DCC: variants seen among roughly 807,000 people sequenced by gnomAD.
The protein encoded by DCC is netrin receptor DCC.
DCC carries 58 observed loss-of-function variants against 172.5 expected under a neutral mutation model. The observed-to-expected ratio is 0.34, with a 90% CI of 0.27 to 0.42. DCC has a LOEUF of 0.42. DCC is among the 10% of genes least tolerant of loss of function. The pLI, the probability that DCC is intolerant of heterozygous loss-of-function variation, is 1.00. For missense variants in DCC, 1,740 were observed against 1,791.0 expected (o/e 0.97, Z 0.51); for synonymous variants, 709 against 644.5 (o/e 1.10, Z -1.52).
At chr18:52,721,132 A>C (rs1018540870) in intron 1 of DCC, among the ~76,000 whole-genome samples, 1 of 152,198 alleles carries the variant, frequency 6.6e-6, no homozygotes, top group South Asian at 2.1e-4. Context: ...AGGCCTTAGC[A>C]GAGGGCCTCA....
chr18:52,692,368 C>T (rs1250615759), intron 1 of DCC, among the ~76,000 whole-genome samples: 4 of 152,134 alleles, frequency 2.6e-5, no homozygotes, highest in African/African-American at 9.7e-5. Context: ...TAAACCTCTG[C>T]CCTATAGACA....
intron 3 of DCC, among the ~76,000 whole-genome samples, chr18:52,906,966 A>C (rs1047663171): frequency 6.6e-6 from 1 of 151,898 alleles, no homozygotes; most frequent in African/African-American, 2.4e-5. Context: ...AAGTGTGAAG[A>C]GTTCTCTTTT....
chr18:52,907,241 C>CATGG (rs1555680298), intron 3 of DCC, among the ~76,000 whole-genome samples: 11 of 102,660 alleles, frequency 1.1e-4, no homozygotes, highest in Non-Finnish European at 6.1e-5. Flanking sequence ...TGATAGATAT[C>CATGG]ATATATACAT....
intron 7 of DCC, among the ~76,000 whole-genome samples, chr18:53,111,181 T>C (rs2043325085): frequency 1.4e-5 from 2 of 142,410 alleles, no homozygotes; most frequent in Middle Eastern, 3.6e-3. Context: ...TTCTCGCTCA[T>C]AGGTAGGAAT....
At chr18:53,156,173 T>A (rs9956982) in intron 7 of DCC, among the ~76,000 whole-genome samples, 8,313 of 152,136 alleles carry the variant, frequency 0.055, 298 homozygotes, top group East Asian at 0.11. Flanking sequence ...ATTTTAACTG[T>A]GAAATGAATA....
intron 1 of DCC, among the ~76,000 whole-genome samples, chr18:52,360,997 T>A (rs1474342989): frequency 6.6e-6 from 1 of 152,182 alleles, no homozygotes; most frequent in African/African-American, 2.4e-5. Context: ...ATTCTATTAC[T>A]TACAAGCTTT....
chr18:52,347,417 T>C (rs1598851309), intron 1 of DCC, among the ~76,000 whole-genome samples: 1 of 152,314 alleles, frequency 6.6e-6, no homozygotes, highest in East Asian at 1.9e-4. Flanking sequence ...ATTATAGTAT[T>C]ATGTGATTTT....
At chr18:52,623,731 T>A (rs1237840577) in intron 1 of DCC, among the ~76,000 whole-genome samples, 1 of 152,192 alleles carries the variant, frequency 6.6e-6, no homozygotes, top group South Asian at 2.1e-4. Context: ...ATTTTCTTTT[T>A]CTATCTCTGC....
intron 12 of DCC, among the ~76,000 whole-genome samples, chr18:53,221,992 TA>T (rs747829443): frequency 6.6e-6 from 1 of 152,188 alleles, no homozygotes; most frequent in African/African-American, 2.4e-5. Flanking sequence ...AAAGAAACTG[TA>T]AAAGACATAA....
At chr18:52,466,908 A>G (rs1402583722) in intron 1 of DCC, among the ~76,000 whole-genome samples, 1 of 152,124 alleles carries the variant, frequency 6.6e-6, no homozygotes, top group Non-Finnish European at 1.5e-5. Context: ...AAGATGAGCA[A>G]ATCATAACCA....
intron 7 of DCC, among the ~76,000 whole-genome samples, chr18:53,110,392 A>C (rs1404919893): frequency 6.6e-6 from 1 of 151,718 alleles, no homozygotes; most frequent in African/African-American, 2.4e-5. Context: ...AAGCAAAATA[A>C]GATAATTTAG....
At chr18:52,750,060 G>T (rs2036971098) in intron 1 of DCC, among the ~76,000 whole-genome samples, 1 of 152,122 alleles carries the variant, frequency 6.6e-6, no homozygotes, top group African/African-American at 2.4e-5. Context: ...CGTAGACATG[G>T]GAAAGGTATT....
intron 28 of DCC, chr18:53,530,250 AG>A: frequency 1.5e-6 from 1 of 683,620 alleles, no homozygotes; most frequent in South Asian, 1.6e-5. Context: ...CGTATCAGAG[AG>A]GTGCACTCAC....
chr18:53,407,605 T>C (rs961789096), intron 19 of DCC, among the ~76,000 whole-genome samples: 19 of 147,658 alleles, frequency 1.3e-4, no homozygotes, highest in African/African-American at 4.7e-4. Context: ...TTTACATAGA[T>C]AAAAACATAG....
chr18:53,322,496 T>C (rs1427027189), intron 14 of DCC, among the ~76,000 whole-genome samples: 2 of 152,158 alleles, frequency 1.3e-5, no homozygotes, highest in Non-Finnish European at 2.9e-5. Flanking sequence ...TTAGTGTAAT[T>C]TATAATAGTA....
chr18:53,218,486 C>A (rs967984429), intron 12 of DCC, among the ~76,000 whole-genome samples: 1 of 152,034 alleles, frequency 6.6e-6, no homozygotes, highest in Non-Finnish European at 1.5e-5. Context: ...GAACAAAATT[C>A]TCTTACTGTA....
chr18:53,175,228 T>C (rs192132184), intron 8 of DCC, among the ~76,000 whole-genome samples: 12,906 of 152,046 alleles, frequency 0.085, 812 homozygotes, highest in East Asian at 0.24. Context: ...TCATACTGAA[T>C]GGGCAAAAAC....
intron 1 of DCC, among the ~76,000 whole-genome samples, chr18:52,464,546 G>T (rs902001797): frequency 6.6e-6 from 1 of 152,166 alleles, no homozygotes; most frequent in African/African-American, 2.4e-5. Flanking sequence ...ACGCAAAGCG[G>T]TGATTTTAAA....
rs1192228624 is a variant in DCC, at chr18:53,091,124, GCTAT to G, written c.1261+24961_1261+24964del. On this transcript the variant is annotated intron_variant, in intron 7 of 28. Transcript: ENST00000442544. Reference sequence around the variant, plus strand: ...TAGCATGTGAATAAAACAGAAAACGGCTATCTTAGAGAATACATGGTAAGCTGAA... The same window carrying G: ...TAGCATGTGAATAAAACAGAAAACGGCTTAGAGAATACATGGTAAGCTGAA... Among the ~76,000 whole-genome samples the G allele has an allele frequency of 4.6e-5, 7 of 152,008 alleles. No individual in the cohort carries two copies. The East Asian group carries it at 1.2e-3, about 25-fold the overall frequency.
Sources: allele counts gnomAD v4.1 joint callset (sites outside exome capture counted in the v4.1 genomes callset), GRCh38; gene constraint gnomAD v4.1.1; transcripts MANE v1.5; gene names NCBI Gene and HGNC (gene_info 2026-07-23, HGNC 2026-07-21).